MARCHF1: variants seen among roughly 807,000 people sequenced by gnomAD.
MARCHF1 encodes E3 ubiquitin-protein ligase MARCHF1.
A neutral mutation model predicts 54.2 loss-of-function variants in MARCHF1; 40 were observed. The observed-to-expected ratio is 0.74, with a 90% confidence interval of 0.57 to 0.96. The LOEUF is 0.96. Ranked by LOEUF, MARCHF1 falls within the 40% of genes least tolerant of loss-of-function variation. The pLI is 0.00. For synonymous variants in MARCHF1, 236 were observed against 236.3 expected (o/e 1.00, Z 0.01); for missense variants, 586 against 656.5 (o/e 0.89, Z 1.17).
At chr4:163,929,825 T>C (rs184919611) in intron 3 of MARCHF1, among the ~76,000 whole-genome samples, 2 of 149,232 alleles carry the variant, frequency 1.3e-5, no homozygotes, top group Admixed American at 6.9e-5. Context: ...GCATGGTTTG[T>C]TGTTTCTAGC....
chr4:164,129,470 ACC>A (rs1756255366), intron 1 of MARCHF1, among the ~76,000 whole-genome samples: 1 of 151,932 alleles, frequency 6.6e-6, no homozygotes, highest in Non-Finnish European at 1.5e-5. Context: ...GAAATTTGAG[ACC>A]TTCCTTCCAA....
chr4:164,126,420 C>T (rs1374938791), intron 1 of MARCHF1, among the ~76,000 whole-genome samples: 1 of 152,108 alleles, frequency 6.6e-6, no homozygotes, highest in East Asian at 1.9e-4. Context: ...AAAAGAAATT[C>T]CTTTTGTTGA....
chr4:164,376,434 G>C (rs1037814888), intron 1 of MARCHF1, among the ~76,000 whole-genome samples: 1 of 152,028 alleles, frequency 6.6e-6, no homozygotes, highest in Non-Finnish European at 1.5e-5. Flanking sequence ...TCTTAGGCCA[G>C]GCTCTCTTCA....
chr4:163,760,024 G>A (rs750488639), intron 4 of MARCHF1, among the ~76,000 whole-genome samples: 15 of 152,184 alleles, frequency 9.9e-5, no homozygotes, highest in Non-Finnish European at 1.2e-4. Flanking sequence ...AGTTCTGGAG[G>A]TGGAAGGTCT....
intron 1 of MARCHF1, among the ~76,000 whole-genome samples, chr4:164,191,379 AAT>A (rs1303991231): frequency 2.0e-5 from 3 of 152,328 alleles, no homozygotes; most frequent in South Asian, 2.1e-4. Context: ...GCTTTTACAG[AAT>A]ATGTCATTAA....
At chr4:163,756,750 T>G (rs1044663828) in intron 4 of MARCHF1, among the ~76,000 whole-genome samples, 2 of 152,060 alleles carry the variant, frequency 1.3e-5, no homozygotes, top group African/African-American at 4.8e-5. Flanking sequence ...AAGTAAAATT[T>G]GAATGAAATG....
chr4:163,991,514 T>C (rs552713691), intron 2 of MARCHF1, among the ~76,000 whole-genome samples: 1 of 152,108 alleles, frequency 6.6e-6, no homozygotes, highest in South Asian at 2.1e-4. Flanking sequence ...ACTAAGAAAA[T>C]TGTTGTGGAA....
chr4:163,890,163 T>C (rs976360721), intron 3 of MARCHF1, among the ~76,000 whole-genome samples: 1 of 151,544 alleles, frequency 6.6e-6, no homozygotes, highest in African/African-American at 2.4e-5. Flanking sequence ...CTCGATCTCC[T>C]GACCTCGTGA....
intron 4 of MARCHF1, among the ~76,000 whole-genome samples, chr4:163,840,784 C>A (rs1322812035): frequency 2.0e-5 from 3 of 151,842 alleles, no homozygotes; most frequent in African/African-American, 7.3e-5. Context: ...CCCTGACCCC[C>A]AACACAGAGA....
intron 1 of MARCHF1, among the ~76,000 whole-genome samples, chr4:164,125,862 T>A (rs1167311052): frequency 6.6e-6 from 1 of 152,184 alleles, no homozygotes; most frequent in Non-Finnish European, 1.5e-5. Context: ...GCAGTCCTTA[T>A]GAGAATCTAA....
In MARCHF1 at chr4:164,276,002, C is replaced by T. The variant is rs1181601526; in HGVS notation, c.-323+107868G>A. ...TCTATCTCAACTGGATCTATCTCAA[C>T]TGCTTCTAAACATGCCACCATAGTC... On this transcript the variant is annotated intron_variant, in intron 1 of 9. Transcript: ENST00000514618. Among the ~76,000 whole-genome samples, 2 of 152,180 alleles carry T rather than the reference C, an allele frequency of 1.3e-5. 1 individual carries two copies. The highest frequency in any genetic ancestry group is 3.9e-4 in the East Asian group (2 of 5,192).
At chr4:164,142,273 T>G (rs1279445078) in intron 1 of MARCHF1, among the ~76,000 whole-genome samples, 2 of 152,092 alleles carry the variant, frequency 1.3e-5, no homozygotes, top group African/African-American at 2.4e-5. Context: ...CCAGGCTTGC[T>G]TAGGTAAACA....
At chr4:163,766,133 C>T (rs1746970540) in intron 4 of MARCHF1, among the ~76,000 whole-genome samples, 1 of 151,666 alleles carries the variant, frequency 6.6e-6, no homozygotes, top group Non-Finnish European at 1.5e-5. Context: ...TAATAAAATA[C>T]CCCTAAATGG....
At chr4:164,093,261 G>A (rs1387340163) in intron 2 of MARCHF1, among the ~76,000 whole-genome samples, 1 of 152,084 alleles carries the variant, frequency 6.6e-6, no homozygotes, top group African/African-American at 2.4e-5. Context: ...AAACACAGGA[G>A]GAATTACCAT....
chr4:164,368,218 T>G (rs1164272349), intron 1 of MARCHF1, among the ~76,000 whole-genome samples: 1 of 150,782 alleles, frequency 6.6e-6, no homozygotes, highest in African/African-American at 2.4e-5. Context: ...TCTTTGGTAA[T>G]AAAAATAATA....
intron 8 of MARCHF1, among the ~76,000 whole-genome samples, chr4:163,552,416 G>C (rs762664440): frequency 6.6e-6 from 1 of 152,148 alleles, no homozygotes; most frequent in African/African-American, 2.4e-5. Context: ...ACCCAGGTTT[G>C]GGTAAAGATA....
At chr4:163,973,580 C>G (rs184381007) in intron 3 of MARCHF1, among the ~76,000 whole-genome samples, 1 of 152,144 alleles carries the variant, frequency 6.6e-6, no homozygotes. Context: ...AGGGCACTAC[C>G]AAAGGACTTC....
chr4:163,595,439 C>A lies in MARCHF1; in HGVS notation c.1011-9510G>T, dbSNP rs545959781. On this transcript the variant is annotated intron_variant, in intron 7 of 9. Transcript: ENST00000514618. Reference sequence around the variant, plus strand: ...GGCTGAGGCAGGAAGATTGCCTAAGCCCGAGAGATTGCAGTTGCAGTGAGC... The same window carrying A: ...GGCTGAGGCAGGAAGATTGCCTAAGACCGAGAGATTGCAGTTGCAGTGAGC... Among the ~76,000 whole-genome samples the A allele has an allele frequency of 8.0e-5, 11 of 137,826 alleles. No individual in the cohort carries two copies. In the South Asian group the frequency reaches 2.5e-3, roughly 32 times the overall value. 90.4% of individuals were successfully genotyped at this position (137,826 alleles called of 152,430 possible).
intron 3 of MARCHF1, among the ~76,000 whole-genome samples, chr4:163,869,155 A>C (rs373753756): frequency 2.0e-5 from 3 of 152,126 alleles, no homozygotes; most frequent in South Asian, 4.1e-4. Flanking sequence ...AAAAGCCAGG[A>C]ATGCATGTGT....
Sources: allele counts gnomAD v4.1 joint callset (sites outside exome capture counted in the v4.1 genomes callset), GRCh38; gene constraint gnomAD v4.1.1; transcripts MANE v1.5; gene names NCBI Gene and HGNC (gene_info 2026-07-23, HGNC 2026-07-21).